DIP2B: variants seen among roughly 807,000 people sequenced by gnomAD.
The protein encoded by DIP2B is DIP2 acetate--CoA ligase B (putative), also known as disco-interacting protein 2 homolog B.
Under a neutral mutation model 198.0 loss-of-function variants are expected in DIP2B, and 76 were observed. The ratio of observed to expected loss-of-function variants is 0.38; its 90% confidence interval spans 0.32 to 0.46. DIP2B has a LOEUF of 0.46. DIP2B is among the 20% of genes least tolerant of loss of function. The pLI, the probability that DIP2B is intolerant of heterozygous loss-of-function variation, is 0.99. For missense variants in DIP2B, 1,559 were observed against 1,978.4 expected, an observed-to-expected ratio of 0.79 and a Z score of 4.02; for synonymous variants, 701 against 739.1, an observed-to-expected ratio of 0.95 and a Z score of 0.84.
chr12:50,623,100 A>G (rs1186353521), intron 1 of DIP2B, among the ~76,000 whole-genome samples: 1 of 152,110 alleles, frequency 6.6e-6, no homozygotes, highest in Non-Finnish European at 1.5e-5. Flanking sequence ...AAAGTATATA[A>G]AACAGGCCAG....
chr12:50,620,070 A>G (rs1489843606), intron 1 of DIP2B, among the ~76,000 whole-genome samples: 1 of 152,178 alleles, frequency 6.6e-6, no homozygotes, highest in Non-Finnish European at 1.5e-5. Flanking sequence ...AAACAGATTT[A>G]TCAAGAAATA....
rs1490175202 is a variant in DIP2B, at chr12:50,573,968, T to C, written c.101-52008T>C. 2.0e-5 allele frequency among the ~76,000 whole-genome samples: 3 copies of C among 152,340 alleles called. No homozygotes were observed. In the East Asian group the frequency reaches 5.8e-4, roughly 29 times the overall value. On this transcript the variant is annotated intron_variant, in intron 1 of 37. Transcript: ENST00000301180. Reference sequence around the variant, plus strand: ...TTTCCTTGACTATGTTTGATGATATTAAGGGTTCTTAGAAATCTTTTCCAA... The same window carrying C: ...TTTCCTTGACTATGTTTGATGATATCAAGGGTTCTTAGAAATCTTTTCCAA...
chr12:50,620,481 C>A (rs1233736680), intron 1 of DIP2B, among the ~76,000 whole-genome samples: 1 of 152,174 alleles, frequency 6.6e-6, no homozygotes, highest in East Asian at 1.9e-4. Context: ...GCGTGTGGGT[C>A]GCAGACTCGC....
At chr12:50,737,838 T>C (rs1469369930) in intron 35 of DIP2B, among the ~76,000 whole-genome samples, 1 of 152,154 alleles carries the variant, frequency 6.6e-6, no homozygotes, top group African/African-American at 2.4e-5. Context: ...TCCGCCTGCC[T>C]TAGCCTCCCA....
intron 1 of DIP2B, among the ~76,000 whole-genome samples, chr12:50,551,058 C>G (rs908601531): frequency 6.6e-6 from 1 of 151,886 alleles, no homozygotes; most frequent in African/African-American, 2.4e-5. Flanking sequence ...CAACTGCACT[C>G]CAGCCTGGGC....
At chr12:50,588,047 A>C (rs189868426) in intron 1 of DIP2B, among the ~76,000 whole-genome samples, 1 of 152,226 alleles carries the variant, frequency 6.6e-6, no homozygotes, top group African/African-American at 2.4e-5. Context: ...AGCTAGACTT[A>C]AATGCTGTTA....
intron 2 of DIP2B, among the ~76,000 whole-genome samples, chr12:50,630,303 TTC>T (rs1307911673): frequency 1.3e-5 from 2 of 152,116 alleles, no homozygotes; most frequent in African/African-American, 4.8e-5. Flanking sequence ...ATTTATAATA[TTC>T]TCTTTGTTTG....
intron 1 of DIP2B, among the ~76,000 whole-genome samples, chr12:50,515,313 C>T (rs984743592): frequency 2.0e-5 from 3 of 151,650 alleles, no homozygotes; most frequent in Non-Finnish European, 2.9e-5. Context: ...CAGCTCACTG[C>T]AACCCCCTCT....
At chr12:50,514,729 C>T (rs944052088) in intron 1 of DIP2B, among the ~76,000 whole-genome samples, 1 of 152,062 alleles carries the variant, frequency 6.6e-6, no homozygotes, top group Non-Finnish European at 1.5e-5. Flanking sequence ...TAGTGGGGTG[C>T]TCACTGCAGC....
intron 37 of DIP2B, among the ~76,000 whole-genome samples, chr12:50,744,023 A>C (rs1438052697): frequency 6.6e-6 from 1 of 151,982 alleles, no homozygotes; most frequent in Non-Finnish European, 1.5e-5. Flanking sequence ...TTTTTTTGAG[A>C]CAGAGTCTCA....
At chr12:50,601,549 A>G (rs893450264) in intron 1 of DIP2B, among the ~76,000 whole-genome samples, 1 of 152,166 alleles carries the variant, frequency 6.6e-6, no homozygotes, top group Non-Finnish European at 1.5e-5. Context: ...TGTGTTAGCC[A>G]GGATGGTCTC....
chr12:50,680,651 TTTTTTTTCC>T lies in DIP2B; in HGVS notation c.1115-11_1115-3del. 3 of 1,606,516 alleles carry T rather than the reference TTTTTTTTCC, an allele frequency of 1.9e-6. No individual in the cohort carries two copies. Among genetic ancestry groups the T allele is most frequent in the Non-Finnish European group, 2.5e-6 (3 of 1,177,394 alleles). On this transcript the variant is annotated splice_polypyrimidine_tract_variant and intron_variant, in intron 8 of 37. Transcript: ENST00000301180. The stretch of plus-strand genomic sequence containing the variant: ...GTTTTTTTTTCTATATGACTGTTGT[TTTTTTTTCC>T]TTTTTTTCCAGGAAAGTTGTGGAGC...
At chr12:50,539,531 G>A (rs1469392069) in intron 1 of DIP2B, among the ~76,000 whole-genome samples, 1 of 150,750 alleles carries the variant, frequency 6.6e-6, no homozygotes. Flanking sequence ...CAGGAGAATC[G>A]CTTGAGCCTG....
At chr12:50,667,118 C>T (rs918743556) in intron 4 of DIP2B, among the ~76,000 whole-genome samples, 7 of 152,160 alleles carry the variant, frequency 4.6e-5, no homozygotes, top group Non-Finnish European at 7.3e-5. Context: ...GTTCATCCGC[C>T]TCAACCTCCC....
chr12:50,517,373 T>C (rs1461920499), intron 1 of DIP2B, among the ~76,000 whole-genome samples: 1 of 152,096 alleles, frequency 6.6e-6, no homozygotes, highest in Non-Finnish European at 1.5e-5. Flanking sequence ...CCTTGCCCAG[T>C]GATCCATATT....
chr12:50,562,481 T>G (rs1958527674), intron 1 of DIP2B, among the ~76,000 whole-genome samples: 2 of 152,142 alleles, frequency 1.3e-5, no homozygotes, highest in Non-Finnish European at 2.9e-5. Flanking sequence ...ATGCCTGCAT[T>G]CCTAGCACTT....
intron 1 of DIP2B, among the ~76,000 whole-genome samples, chr12:50,552,822 T>G (rs1164648207): frequency 6.6e-6 from 1 of 152,096 alleles, no homozygotes; most frequent in Non-Finnish European, 1.5e-5. Flanking sequence ...AAAATAAACT[T>G]CTTATGTTTA....
At chr12:50,629,573 A>T (rs1360171982) in intron 2 of DIP2B, among the ~76,000 whole-genome samples, 1 of 152,190 alleles carries the variant, frequency 6.6e-6, no homozygotes, top group Non-Finnish European at 1.5e-5. Flanking sequence ...GTAACTCCTA[A>T]ATATGTATCT....
chr12:50,626,866 C>T (rs1408403187), intron 2 of DIP2B, among the ~76,000 whole-genome samples: 1 of 150,878 alleles, frequency 6.6e-6, no homozygotes, highest in East Asian at 1.9e-4. Flanking sequence ...GGTTTATGGC[C>T]TGTAAATATT....
Sources: allele counts gnomAD v4.1 joint callset (sites outside exome capture counted in the v4.1 genomes callset), GRCh38; gene constraint gnomAD v4.1.1; transcripts MANE v1.5; gene names NCBI Gene and HGNC (gene_info 2026-07-23, HGNC 2026-07-21).